The following GCDH variants were observed in gnomAD, a reference collection of about 807,000 sequenced individuals.
GCDH encodes the protein glutaryl-CoA dehydrogenase, mitochondrial.
A neutral mutation model predicts 52.8 loss-of-function variants in GCDH; 31 were observed. The observed-to-expected ratio is 0.59, with a 90% CI of 0.44 to 0.79. The LOEUF (loss-of-function observed/expected upper bound fraction) is 0.79. Ranked by LOEUF, GCDH falls within the 30% of genes least tolerant of loss-of-function variation. The probability of loss-of-function intolerance (pLI) is 0.00; values close to 1 mark genes in which losing one functional copy is unlikely to be tolerated. For missense variants in GCDH, 509 were observed against 595.0 expected (o/e 0.86, Z 1.50); for synonymous variants, 242 against 250.0 (o/e 0.97, Z 0.30).
chr19:12,899,476 G>A lies in GCDH; in HGVS notation c.1252G>A (p.Asp418Asn). The part of the protein sequence containing the change: ...EAVNTYEGTH[D>N]IHALILGRAI... The stretch of plus-strand genomic sequence containing the variant: ...GTATTAATCTTGTCCAGGTACACAT[G>A]ACATTCACGCCCTGATCCTTGGGAG... Residue 418 changes from aspartate to asparagine, a missense_variant, in exon 12 of 12, where the codon GAC becomes AAC. By Grantham distance (23) the Asp-to-Asn change is conservative. Coordinates refer to ENST00000222214, the MANE Select transcript of GCDH (RefSeq NM_000159.4). 6.2e-7 allele frequency: 1 copy of A among 1,614,190 alleles called. No homozygotes were observed. The highest frequency in any genetic ancestry group is 8.5e-7 in the Non-Finnish European group (1 of 1,180,038).
intron 11 of GCDH, chr19:12,899,180 C>G: frequency 1.5e-6 from 1 of 668,418 alleles, no homozygotes; most frequent in Non-Finnish European, 2.6e-6. Context: ...GCTGGACTTG[C>G]TACATTTTGG....
intron 5 of GCDH, 92 bp from the exon 6 acceptor site, chr19:12,893,391 C>CT: frequency 8.7e-7 from 1 of 1,143,482 alleles, no homozygotes; most frequent in Non-Finnish European, 1.3e-6. Flanking sequence ...TGCCTGCCTC[C>CT]TTGTGTGTCC....
intron 11 of GCDH, chr19:12,899,029 C>G: frequency 2.4e-6 from 1 of 418,284 alleles, no homozygotes; most frequent in South Asian, 2.3e-5. Context: ...GCTGTGTTTC[C>G]TTGGAGCTCA....
At chr19:12,897,958 C>A in intron 11 of GCDH, 95 bp downstream of exon 11, 2 of 1,040,318 alleles carry the variant, frequency 1.9e-6, no homozygotes, top group Non-Finnish European at 1.5e-6. Flanking sequence ...TCCAACTCCA[C>A]CTATCACTAA....
intron 6 of GCDH, chr19:12,894,178 A>T: frequency 1.3e-6 from 2 of 1,575,560 alleles, no homozygotes; most frequent in African/African-American, 1.3e-5. Flanking sequence ...CCAGAAACTC[A>T]TTGAAGTGGA....
rs1186168646 is a variant in GCDH at position 12,896,173 on chromosome 19, G to T, written c.636-32G>T. On this transcript the variant is annotated intron_variant, in intron 7 of 11. Transcript: ENST00000222214. The surrounding 1 kb of genome is among the most constrained non-coding windows in gnomAD (Gnocchi z 5.5). ...GGTGAACAGGGGCAAAGGGGCACTG[G>T]TCAGACCCCTCACCGACTGTTCCAT... 1.9e-6 allele frequency: 3 copies of T among 1,613,840 alleles called. No homozygotes were observed. In the African/African-American group the frequency reaches 4.0e-5, roughly 22 times the overall value.
At position 12,891,755 on chromosome 19, in the gene GCDH, G is replaced by T. The variant is rs1024035620; in HGVS notation, c.128-76G>T. ...CGGGGGGCGACATGGGTGTTGGGGG[G>T]TAGGGCTGATGAGGGTCCGAGAAGG... On this transcript the variant is annotated intron_variant, in intron 3 of 11. Coordinates refer to ENST00000222214, the MANE Select transcript of GCDH (RefSeq NM_000159.4). The T allele has an allele frequency of 6.3e-7, 1 of 1,598,640 alleles. No individual in the cohort carries two copies. The highest frequency in any genetic ancestry group is 1.1e-5 in the South Asian group (1 of 90,796).
chr19:12,898,977 T>C, intron 11 of GCDH: 1 of 308,410 alleles, frequency 3.2e-6, no homozygotes, highest in Non-Finnish European at 6.2e-6. Flanking sequence ...GCTCTTCCGA[T>C]GTGCTGTCCC....
intron 6 of GCDH, chr19:12,894,221 A>G (rs1467848521): frequency 1.9e-5 from 25 of 1,311,164 alleles, no homozygotes; most frequent in Non-Finnish European, 2.7e-5. Flanking sequence ...TTTTATGAGA[A>G]GCGTATGGCC....
rs121434367 is a variant in GCDH at position 12,899,486 on chromosome 19, C to T, written c.1262C>T (p.Ala421Val). 1.2e-4 allele frequency: 195 copies of T among 1,614,054 alleles called. No individual in the cohort carries two copies. Among genetic ancestry groups the T allele is most frequent in the Non-Finnish European group, 1.3e-4 (151 of 1,180,040 alleles). Residue 421 changes from alanine to valine, a missense_variant, in exon 12 of 12, where the codon GCC (alanine) becomes GTC (valine). Transcript: ENST00000222214. Reference protein sequence around the residue: ...NTYEGTHDIHALILGRAITGI... With the variant: ...NTYEGTHDIHVLILGRAITGI... ...TGTCCAGGTACACATGACATTCACG[C>T]CCTGATCCTTGGGAGAGCTATCACG...
At chr19:12,899,267 CAG>C in intron 11 of GCDH, 199 bp from the exon 12 acceptor site, 1 of 1,332,196 alleles carries the variant, frequency 7.5e-7, no homozygotes, top group Non-Finnish European at 1.1e-6. Flanking sequence ...AACAATTTCT[CAG>C]TGTGGCCCAA....
In GCDH at chr19:12,891,203, G is replaced by A. The variant is rs1395053946; in HGVS notation, c.-35+1G>A. The A allele has an allele frequency of 3.4e-6, 3 of 872,620 alleles. No homozygotes were observed. The highest frequency in any genetic ancestry group is 3.3e-5 in the African/African-American group (2 of 60,698). 54.1% of individuals were successfully genotyped at this position (872,620 alleles called of 1,614,324 possible). On this transcript the variant is annotated splice_donor_variant, in intron 1 of 11. Transcript: ENST00000222214. LOFTEE classifies it low-confidence loss of function (5UTR_SPLICE). ...GCAGTGAACCGGGAGGTACTACCAG[G>A]TAAGGAAGGTGCGGTAGCCCCAGCC...
Position 12,896,529 on chromosome 19 carries a change from C to A in GCDH, c.852+108C>A. ...GCTCCCTGTGCCTGTGGAGCCCACACAGTGGTGATTCTTACTCAGCCGGAC... is the reference window on the plus strand; with the variant it reads ...GCTCCCTGTGCCTGTGGAGCCCACAAAGTGGTGATTCTTACTCAGCCGGAC... On this transcript the variant is annotated intron_variant, in intron 8 of 11. Coordinates refer to ENST00000222214, the MANE Select transcript of GCDH (RefSeq NM_000159.4). The surrounding 1 kb of genome is among the most constrained non-coding windows in gnomAD (Gnocchi z 5.5). 2 of 872,050 alleles carry A rather than the reference C, an allele frequency of 2.3e-6. No homozygotes were observed. Among genetic ancestry groups the A allele is most frequent in the Non-Finnish European group, 3.7e-6 (2 of 539,502 alleles). 54.0% of individuals were successfully genotyped at this position (872,050 alleles called of 1,614,324 possible). A position where few individuals can be genotyped will look rare whatever the true frequency, so the allele number is the denominator to read the frequency against.
At position 12,893,485 on chromosome 19, in the gene GCDH, T is replaced by C. The variant is rs1555749853; in HGVS notation, c.337T>C (p.Tyr113His). The C allele has an allele frequency of 1.2e-6, 2 of 1,613,792 alleles. No homozygotes were observed. Among genetic ancestry groups the C allele is most frequent in the Admixed American group, 3.3e-5 (2 of 60,014 alleles). Residue 113 changes from tyrosine to histidine, a missense_variant and splice_region_variant, in exon 6 of 12, where the codon TAT (tyrosine) becomes CAT (histidine). By Grantham distance (83) the Tyr-to-His change is moderately conservative. Transcript: ENST00000222214. The stretch of plus-strand genomic sequence containing the variant: ...CTTTCCCCTCCTACTACCACCAGGA[T>C]ATGGCTGTGCTGGGGTTTCGTCTGT... ...LGVLGPTIKG[Y>H]GCAGVSSVAY...
intron 5 of GCDH, 79 bp downstream of exon 5, chr19:12,892,257 C>T (rs1970577024): frequency 1.7e-6 from 2 of 1,147,988 alleles, no homozygotes; most frequent in South Asian, 1.2e-5. Context: ...CCCTCCCTTT[C>T]TTCCTTCCTT....
chr19:12,896,759 C>A lies in GCDH; in HGVS notation c.853-151C>A. The A allele has an allele frequency of 1.4e-6, 1 of 695,452 alleles. No homozygotes were observed. The highest frequency in any genetic ancestry group is 2.6e-6 in the Non-Finnish European group (1 of 382,652). 43.1% of individuals were successfully genotyped at this position (695,452 alleles called of 1,614,324 possible). On this transcript the variant is annotated intron_variant, in intron 8 of 11. Coordinates refer to ENST00000222214, the MANE Select transcript of GCDH (RefSeq NM_000159.4). The surrounding 1 kb of genome is among the most constrained non-coding windows in gnomAD (Gnocchi z 5.5). ...AACCGAGTGAGCAGGCACCGAGCTT[C>A]AGTGCCAGGGCCATCTGTGATGTGA...
At chr19:12,893,827 C>T (rs1970614088) in intron 6 of GCDH, 174 bp downstream of exon 6, 1 of 687,206 alleles carries the variant, frequency 1.5e-6, no homozygotes. Context: ...CCTGGCCAGC[C>T]TGACTGTCCC....
intron 5 of GCDH, 74 bp downstream of exon 5, chr19:12,892,252 CCTTT>C: frequency 8.5e-7 from 1 of 1,173,784 alleles, no homozygotes; most frequent in Non-Finnish European, 1.3e-6. Flanking sequence ...TCCCTCCCTC[CCTTT>C]CTTCCTTCCT....
At chr19:12,893,425 C>T (rs1970601086) in intron 5 of GCDH, 58 bp from the exon 6 acceptor site, 2 of 1,478,224 alleles carry the variant, frequency 1.4e-6, no homozygotes, top group African/African-American at 1.4e-5. Flanking sequence ...TCTCTTGGGT[C>T]TTAGCTGGGC....
Sources: gnomAD v4.1 joint callset for allele counts on GRCh38, gnomAD v4.1.1 for gene constraint, Gnocchi (gnomAD v3.1) non-coding constraint, MANE v1.5 for transcripts, NCBI Gene and HGNC (gene_info 2026-07-23, HGNC 2026-07-21) for gene names.